KIF2A: variants seen among roughly 807,000 people sequenced by gnomAD.
KIF2A encodes the protein kinesin family member 2A, also known as kinesin-like protein KIF2A.
In KIF2A, 22 loss-of-function variants were observed where a neutral mutation model predicts 100.2. The observed-to-expected ratio is 0.22, with a 90% CI of 0.16 to 0.31. The LOEUF (loss-of-function observed/expected upper bound fraction) is 0.31, where lower values mean the gene tolerates loss of function less well. Among genes scored for constraint, KIF2A ranks in the 10% least tolerant of loss-of-function variants. KIF2A has a pLI of 1.00. For missense variants in KIF2A, 495 were observed against 898.7 expected, an observed-to-expected ratio of 0.55 and a Z score of 5.74; for synonymous variants, 268 against 285.9, an observed-to-expected ratio of 0.94 and a Z score of 0.63.
chr5:62,335,740 T>A (rs1160569394), intron 1 of KIF2A, among the ~76,000 whole-genome samples: 1 of 152,170 alleles, frequency 6.6e-6, no homozygotes, highest in African/African-American at 2.4e-5. Flanking sequence ...TTAAATATTT[T>A]AATAAAAAAT....
At chr5:62,334,119 G>A in intron 1 of KIF2A, among the ~76,000 whole-genome samples, 1 of 152,026 alleles carries the variant, frequency 6.6e-6, no homozygotes, top group East Asian at 1.9e-4. Flanking sequence ...TGTGGCAGGA[G>A]GTCCCTACCT....
chr5:62,356,810 A>G (rs1288081491), intron 7 of KIF2A, among the ~76,000 whole-genome samples: 1 of 130,520 alleles, frequency 7.7e-6, no homozygotes, highest in Non-Finnish European at 1.7e-5. Flanking sequence ...TTTTGGAGAC[A>G]CAGTCTTCTC....
chr5:62,306,349 G>T lies in KIF2A; in HGVS notation c.-124G>T. 1.3e-6 allele frequency: 1 copy of T among 766,472 alleles called. No individual in the cohort carries two copies. 47.5% of individuals were successfully genotyped at this position (766,472 alleles called of 1,614,324 possible). ...TTGCGGCCCCGCTTGCGTTCACGCTGTCGCCCGGGCCGGCGCGGCCGCGGG... is the reference window on the plus strand; with the variant it reads ...TTGCGGCCCCGCTTGCGTTCACGCTTTCGCCCGGGCCGGCGCGGCCGCGGG... On this transcript the variant is annotated 5_prime_UTR_variant, in exon 1 of 21. Coordinates refer to ENST00000407818, the MANE Select transcript of KIF2A (RefSeq NM_001098511.3).
chr5:62,363,869 T>G lies in KIF2A; in HGVS notation c.1437T>G (p.Ala479=). 6.2e-7 allele frequency: 1 copy of G among 1,613,178 alleles called. No individual in the cohort carries two copies. ...SADRQTRLEG[A]EINKSLLALK... The stretch of plus-strand genomic sequence containing the variant: ...ACAGGCAAACTAGGCTTGAAGGTGC[T>G]GAAATTAATAAAAGCCTTTTAGCAC... The change falls in exon 14 of 21, where the codon GCT becomes GCG. Residue 479 remains alanine (A), a synonymous_variant. Transcript: ENST00000407818.
chr5:62,311,328 G>C (rs562746312), intron 1 of KIF2A, among the ~76,000 whole-genome samples: 2 of 152,168 alleles, frequency 1.3e-5, no homozygotes, highest in African/African-American at 4.8e-5. Flanking sequence ...AGGCACCAGC[G>C]AGCAGTGTTA....
At position 62,386,940 on chromosome 5, in the gene KIF2A, T is replaced by C. The variant is rs1363131437; in HGVS notation, c.*1371T>C. On this transcript the variant is annotated 3_prime_UTR_variant, in exon 21 of 21. Transcript: ENST00000407818. ...TGGGGTCCAGGAGTAGATTAACAGC[T>C]AAAAATCTCCCAAGGATATCTTGTT... 6.6e-6 allele frequency among the ~76,000 whole-genome samples: 1 copy of C among 152,202 alleles called. No individual in the cohort carries two copies.
At chr5:62,371,407 A>G (rs1377279067) in intron 16 of KIF2A, among the ~76,000 whole-genome samples, 1 of 152,256 alleles carries the variant, frequency 6.6e-6, no homozygotes, top group Non-Finnish European at 1.5e-5. Context: ...TATTAGTTTG[A>G]TTTATATGAA....
chr5:62,367,831 G>A (rs1198377057), intron 16 of KIF2A, among the ~76,000 whole-genome samples: 1 of 151,984 alleles, frequency 6.6e-6, no homozygotes, highest in Non-Finnish European at 1.5e-5. Context: ...ACTGTTTAGT[G>A]TTAAATTTCT....
chr5:62,386,535 G>A lies in KIF2A; in HGVS notation c.*966G>A, dbSNP rs746148865. Among the ~76,000 whole-genome samples the A allele has an allele frequency of 7.6e-4, 116 of 152,274 alleles. No homozygotes were observed. The highest frequency in any genetic ancestry group is 2.1e-4 in the South Asian group (1 of 4,828). On this transcript the variant is annotated 3_prime_UTR_variant, in exon 21 of 21. Coordinates refer to ENST00000407818, the MANE Select transcript of KIF2A (RefSeq NM_001098511.3). ...CCAAAATATACCTTTTCTATGTACTGTTAAAAGAAATTGGCTTCTGATGCA... is the reference window on the plus strand; with the variant it reads ...CCAAAATATACCTTTTCTATGTACTATTAAAAGAAATTGGCTTCTGATGCA...
Position 62,389,114 on chromosome 5 carries a change from A to G in KIF2A, c.*3545A>G. The stretch of plus-strand genomic sequence containing the variant: ...GCTAATTTGTAGCACATAACGGTAT[A>G]TAGTTCTATACCATTAATACTAAAA... On this transcript the variant is annotated 3_prime_UTR_variant, in exon 21 of 21. Coordinates refer to ENST00000407818, the MANE Select transcript of KIF2A (RefSeq NM_001098511.3). 7.1e-7 allele frequency: 1 copy of G among 1,401,854 alleles called. No individual in the cohort carries two copies. Among genetic ancestry groups the G allele is most frequent in the South Asian group, 1.2e-5 (1 of 83,810 alleles). The allele number at this position is 1,401,854 out of a possible 1,614,324, so 86.8% of individuals were successfully genotyped here. A position where few individuals can be genotyped will look rare whatever the true frequency, so the allele number is the denominator to read the frequency against.
chr5:62,389,001 T>C lies in KIF2A; in HGVS notation c.*3432T>C, dbSNP rs774272925. 1.3e-5 allele frequency: 21 copies of C among 1,604,510 alleles called. No individual in the cohort carries two copies. Among genetic ancestry groups the C allele is most frequent in the East Asian group, 2.2e-5 (1 of 44,832 alleles). ...TTCTTGACCTTGAAAATTTCTGTTT[T>C]CCAAATACCTAGGAAAAATGAATAC... On this transcript the variant is annotated 3_prime_UTR_variant, in exon 21 of 21. Transcript: ENST00000407818.
chr5:62,317,268 G>T (rs373793782), intron 1 of KIF2A, among the ~76,000 whole-genome samples: 1 of 152,072 alleles, frequency 6.6e-6, no homozygotes, highest in Non-Finnish European at 1.5e-5. Flanking sequence ...GGCTGGTTTC[G>T]AACTCCTGGC....
Position 62,370,288 on chromosome 5 carries a change from CTTTA to C in KIF2A, c.1647-2129_1647-2126del, listed in dbSNP as rs1554042830. 3.2e-4 allele frequency among the ~76,000 whole-genome samples: 48 copies of C among 151,886 alleles called. 1 individual carries two copies. The South Asian group carries it at 6.0e-3, about 19-fold the overall frequency. On this transcript the variant is annotated intron_variant, in intron 16 of 20. Transcript: ENST00000407818. ...GTTCATCAGATGACAATTAGAGATA[CTTTA>C]TTTATTTATTTATTTATTTAAGATG...
chr5:62,331,628 A>C (rs1425730044), intron 1 of KIF2A, among the ~76,000 whole-genome samples: 2 of 152,172 alleles, frequency 1.3e-5, no homozygotes, highest in Non-Finnish European at 2.9e-5. Context: ...TAATGTCTTA[A>C]AAGTATGAAG....
chr5:62,385,647 A>AC lies in KIF2A; in HGVS notation c.*78_*79insC. Reference sequence around the variant, plus strand: ...ACGGTTCAGCTGTAAGGGCCATTTGAAAGTTTGGAATTTTAAGTGTCTGTG... The same window carrying AC: ...ACGGTTCAGCTGTAAGGGCCATTTGACAAGTTTGGAATTTTAAGTGTCTGTG... On this transcript the variant is annotated 3_prime_UTR_variant, in exon 21 of 21. Coordinates refer to ENST00000407818, the MANE Select transcript of KIF2A (RefSeq NM_001098511.3). 1.0e-6 allele frequency: 1 copy of AC among 989,030 alleles called. No homozygotes were observed. Among genetic ancestry groups the AC allele is most frequent in the Non-Finnish European group, 1.5e-6 (1 of 653,238 alleles). 61.3% of individuals were successfully genotyped at this position (989,030 alleles called of 1,614,324 possible).
At position 62,390,769 on chromosome 5, in the gene KIF2A, ACT is replaced by A. The variant is rs1742272654; in HGVS notation, c.*5204_*5205del. 2 of 866,614 alleles carry A rather than the reference ACT, an allele frequency of 2.3e-6. No individual in the cohort carries two copies. The highest frequency in any genetic ancestry group is 1.9e-6 in the Non-Finnish European group (1 of 519,924). The allele number at this position is 866,614 out of a possible 1,614,324, so 53.7% of individuals were successfully genotyped here. A position where few individuals can be genotyped will look rare whatever the true frequency, so the allele number is the denominator to read the frequency against. Reference sequence around the variant, plus strand: ...CATGCCATGGAAGTGCTATGCAATAACTCTCCCAGGTAGCACCTTATACCGCT... The same window carrying A: ...CATGCCATGGAAGTGCTATGCAATAACTCCCAGGTAGCACCTTATACCGCT... On this transcript the variant is annotated 3_prime_UTR_variant, in exon 21 of 21. Transcript: ENST00000407818.
rs529222673 is a variant in KIF2A at position 62,373,072 on chromosome 5, T to A, written c.1760+521T>A. Among the ~76,000 whole-genome samples, 1,435 of 150,080 alleles carry A rather than the reference T, an allele frequency of 9.6e-3. 11 individuals are homozygous for A. The highest frequency in any genetic ancestry group is 0.014 in the Non-Finnish European group (957 of 67,400). On this transcript the variant is annotated intron_variant, in intron 17 of 20. Coordinates refer to ENST00000407818, the MANE Select transcript of KIF2A (RefSeq NM_001098511.3). The stretch of plus-strand genomic sequence containing the variant: ...GCCAAGTGGTGAAAAAAAAAAAAAA[T>A]TTTTTTTAAAGTAAGGAAAGTTTAC...
In KIF2A at chr5:62,347,234, C is replaced by G; in HGVS notation, c.159+10C>G. ...TACAAAAGGCAAAGAGGTAAGATCA[C>G]TGAGTTTAATTTTATTCCTAGTCCT... On this transcript the variant is annotated intron_variant, in intron 2 of 20. Transcript: ENST00000407818. The G allele has an allele frequency of 7.0e-7, 1 of 1,433,050 alleles. No homozygotes were observed. Among genetic ancestry groups the G allele is most frequent in the Non-Finnish European group, 9.7e-7 (1 of 1,028,594 alleles). The allele number at this position is 1,433,050 out of a possible 1,614,324, so 88.8% of individuals were successfully genotyped here.
chr5:62,319,958 T>G (rs1324145845), intron 1 of KIF2A, among the ~76,000 whole-genome samples: 1 of 152,214 alleles, frequency 6.6e-6, no homozygotes, highest in East Asian at 1.9e-4. Flanking sequence ...TACCCAGTTC[T>G]TCTCCAAGAG....
Sources: allele counts gnomAD v4.1 joint callset (sites outside exome capture counted in the v4.1 genomes callset), GRCh38; gene constraint gnomAD v4.1.1; transcripts MANE v1.5; gene names NCBI Gene and HGNC (gene_info 2026-07-23, HGNC 2026-07-21).